UBE3A: variants seen among roughly 807,000 people sequenced by gnomAD.
UBE3A encodes ubiquitin-protein ligase E3A.
UBE3A carries 6 observed loss-of-function variants against 83.4 expected under a neutral mutation model. The observed-to-expected ratio is 0.07, with a 90% confidence interval of 0.04 to 0.14. UBE3A has a LOEUF of 0.14. Ranked by LOEUF, UBE3A falls within the 10% of genes least tolerant of loss-of-function variation. The probability of loss-of-function intolerance (pLI) is 1.00; values close to 1 mark genes in which losing one functional copy is unlikely to be tolerated. For missense variants in UBE3A, 456 were observed against 1,036.1 expected (o/e 0.44, Z 7.69); for synonymous variants, 337 against 355.4 (o/e 0.95, Z 0.58).
chr15:25,364,638 T>G (rs1306828905), intron 6 of UBE3A, among the ~76,000 whole-genome samples: 1 of 133,738 alleles, frequency 7.5e-6, no homozygotes, highest in African/African-American at 3.3e-5. Context: ...TAGGGTTTTT[T>G]TTGTTTGTTT....
intron 1 of UBE3A, among the ~76,000 whole-genome samples, chr15:25,436,572 A>G (rs948854979): frequency 4.6e-5 from 7 of 152,294 alleles, no homozygotes; most frequent in African/African-American, 1.4e-4. Context: ...GGAGATTGAA[A>G]TAGAAATGAT....
In UBE3A at chr15:25,334,103, G is replaced by T. The variant is rs536854652; in HGVS notation, c.*5034C>A. 1 of 150,930 alleles carries T rather than the reference G, an allele frequency of 6.6e-6. No individual in the cohort carries two copies. The highest frequency in any genetic ancestry group is 1.9e-4 in the East Asian group (1 of 5,134). 9.3% of individuals were successfully genotyped at this position (150,930 alleles called of 1,614,324 possible). On this transcript the variant is annotated 3_prime_UTR_variant, in exon 13 of 13. Transcript: ENST00000648336. Reference sequence around the variant, plus strand: ...CTGGAGGTGCTAGCCAGCACACTAAGGCAAGAAAATGAAATAATAGGAATC... The same window carrying T: ...CTGGAGGTGCTAGCCAGCACACTAATGCAAGAAAATGAAATAATAGGAATC...
chr15:25,365,424 A>T (rs930302696), intron 6 of UBE3A, among the ~76,000 whole-genome samples: 1 of 152,168 alleles, frequency 6.6e-6, no homozygotes, highest in Non-Finnish European at 1.5e-5. Context: ...GAGACCTCTA[A>T]TACTTAAGAA....
chr15:25,347,464 G>A (rs1349110615), intron 11 of UBE3A, among the ~76,000 whole-genome samples: 1 of 152,158 alleles, frequency 6.6e-6, no homozygotes, highest in Admixed American at 6.5e-5. Flanking sequence ...CACTTTGGGA[G>A]GCTGAGGTGG....
chr15:25,421,393 T>A (rs1388180596), intron 1 of UBE3A, among the ~76,000 whole-genome samples: 1 of 152,198 alleles, frequency 6.6e-6, no homozygotes, highest in Non-Finnish European at 1.5e-5. Flanking sequence ...GTCTCAGATA[T>A]TCATTTAAGG....
At chr15:25,378,015 T>G (rs2081504883) in intron 4 of UBE3A, among the ~76,000 whole-genome samples, 1 of 152,160 alleles carries the variant, frequency 6.6e-6, no homozygotes, top group African/African-American at 2.4e-5. Context: ...ATTTCTTATT[T>G]ATTCTTTCCA....
chr15:25,350,747 T>C (rs2076381973), intron 11 of UBE3A, among the ~76,000 whole-genome samples: 2 of 152,168 alleles, frequency 1.3e-5, no homozygotes, highest in Admixed American at 6.5e-5. Context: ...CACTACTCTA[T>C]AATTTTTTAA....
rs899413288 is a variant in UBE3A, at chr15:25,334,847, C to A, written c.*4290G>T. 6.6e-6 allele frequency: 1 copy of A among 152,130 alleles called. No homozygotes were observed. The highest frequency in any genetic ancestry group is 1.5e-5 in the Non-Finnish European group (1 of 68,026). 9.4% of individuals were successfully genotyped at this position (152,130 alleles called of 1,614,324 possible). On this transcript the variant is annotated 3_prime_UTR_variant, in exon 13 of 13. Transcript: ENST00000648336. ...GCTTGGGCAGATGGATATACAGATA[C>A]CAATGCACTTATGCAAAAAATGGAT...
At chr15:25,355,514 T>C (rs1466265407) in intron 9 of UBE3A, among the ~76,000 whole-genome samples, 4 of 152,198 alleles carry the variant, frequency 2.6e-5, no homozygotes, top group Non-Finnish European at 5.9e-5. Context: ...TGTATTTTTA[T>C]CACAAACAGG....
Position 25,370,503 on chromosome 15 carries a change from A to C in UBE3A, c.1608+63T>G, listed in dbSNP as rs756982843. The stretch of plus-strand genomic sequence containing the variant: ...ATTTTTTTCAGTCACTTTTAAAATG[A>C]ATTCACTGAACTGTATCATGATATC... On this transcript the variant is annotated intron_variant, in intron 6 of 12. Coordinates refer to ENST00000648336, the MANE Select transcript of UBE3A (RefSeq NM_130839.5). The surrounding 1 kb of genome is among the most constrained non-coding windows in gnomAD (Gnocchi z 4.2). 5.0e-6 allele frequency: 8 copies of C among 1,589,936 alleles called. No individual in the cohort carries two copies. Among genetic ancestry groups the C allele is most frequent in the Non-Finnish European group, 6.9e-6 (8 of 1,158,122 alleles).
At chr15:25,420,729 C>G (rs1372887842) in intron 1 of UBE3A, 1 of 152,168 alleles carries the variant, frequency 6.6e-6, no homozygotes, top group Non-Finnish European at 1.5e-5. Flanking sequence ...GGTGCAGTCA[C>G]TGTGGAAAAC....
At chr15:25,423,818 A>T (rs929917179) in intron 1 of UBE3A, among the ~76,000 whole-genome samples, 5 of 152,138 alleles carry the variant, frequency 3.3e-5, no homozygotes, top group Non-Finnish European at 5.9e-5. Context: ...CTGGTCAAAA[A>T]ACTTTGGCAT....
At chr15:25,346,367 C>T (rs1029953807) in intron 11 of UBE3A, 1 of 152,384 alleles carries the variant, frequency 6.6e-6, no homozygotes, top group East Asian at 1.9e-4. Context: ...ACTGGAACCA[C>T]AGCTCACAAA....
At chr15:25,408,743 T>C in intron 3 of UBE3A, 1 of 1,401,172 alleles carries the variant, frequency 7.1e-7, no homozygotes, top group East Asian at 2.3e-5. Context: ...GAGAAATGTT[T>C]AGTTAAAACG....
intron 3 of UBE3A, among the ~76,000 whole-genome samples, chr15:25,405,908 T>G (rs1434942906): frequency 1.3e-5 from 2 of 152,194 alleles, no homozygotes; most frequent in African/African-American, 4.8e-5. Flanking sequence ...AACTTTAGAT[T>G]AGTGGCTCAG....
At chr15:25,425,080 A>C (rs1890930175) in intron 1 of UBE3A, among the ~76,000 whole-genome samples, 1 of 152,150 alleles carries the variant, frequency 6.6e-6, no homozygotes, top group Admixed American at 6.6e-5. Flanking sequence ...TAGAATACTC[A>C]CATTTCCTGG....
chr15:25,437,856 G>A (rs1379759671), intron 1 of UBE3A, among the ~76,000 whole-genome samples: 1 of 151,784 alleles, frequency 6.6e-6, no homozygotes, highest in African/African-American at 2.4e-5. Context: ...GAAAAGGGGG[G>A]GGAAAAAAGG....
At chr15:25,339,698 G>A in intron 12 of UBE3A, 1 of 320,288 alleles carries the variant, frequency 3.1e-6, no homozygotes, top group Admixed American at 4.7e-5. Context: ...TAGAAACACT[G>A]CTGGCAATAT....
Position 25,354,451 on chromosome 15 carries a change from T to C in UBE3A, c.2281-25A>G, listed in dbSNP as rs780225783. The C allele has an allele frequency of 2.5e-6, 4 of 1,612,210 alleles. No homozygotes were observed. The Admixed American group carries it at 5.0e-5, about 20-fold the overall frequency. Reference sequence around the variant, plus strand: ...TCTGCAAATTCAAGAAAATATGTCTTAGTTATCTGCTATACTACTGTATCA... The same window carrying C: ...TCTGCAAATTCAAGAAAATATGTCTCAGTTATCTGCTATACTACTGTATCA... On this transcript the variant is annotated intron_variant, in intron 10 of 12. Coordinates refer to ENST00000648336, the MANE Select transcript of UBE3A (RefSeq NM_130839.5).
Sources: gnomAD v4.1 joint callset for allele counts (sites outside exome capture counted in the v4.1 genomes callset) on GRCh38, gnomAD v4.1.1 for gene constraint, Gnocchi (gnomAD v3.1) non-coding constraint, MANE v1.5 for transcripts, NCBI Gene and HGNC (gene_info 2026-07-23, HGNC 2026-07-21) for gene names.